PVALB: variants seen among roughly 807,000 people sequenced by gnomAD.
PVALB encodes the protein parvalbumin.
Under a neutral mutation model 10.9 loss-of-function variants are expected in PVALB, and 11 were observed. The ratio of observed to expected loss-of-function variants is 1.01; its 90% confidence interval spans 0.63 to 1.67. The LOEUF is 1.67. Ranked by LOEUF, PVALB falls within the 40% of genes most tolerant of loss-of-function variation. The pLI, the probability that PVALB is intolerant of heterozygous loss-of-function variation, is 0.00. For missense variants in PVALB, 131 were observed against 136.2 expected (o/e 0.96, Z 0.19); for synonymous variants, 57 against 50.7 (o/e 1.12, Z -0.53).
intron 3 of PVALB, among the ~76,000 whole-genome samples, chr22:36,805,942 A>G (rs1205682757): frequency 6.6e-6 from 1 of 152,166 alleles, no homozygotes; most frequent in Non-Finnish European, 1.5e-5. Flanking sequence ...ATCCCATCAG[A>G]GCTAGCATCC....
In PVALB at chr22:36,816,987, G is replaced by T; in HGVS notation, c.19C>A (p.Leu7Met). 1 of 1,609,838 alleles carries T rather than the reference G, an allele frequency of 6.2e-7. No homozygotes were observed. The highest frequency in any genetic ancestry group is 1.3e-5 in the African/African-American group (1 of 74,524). The change falls in exon 1 of 4, where the codon CTG becomes ATG. Residue 7 changes from leucine to methionine, a missense_variant. Leu to Met is a conservative substitution (Grantham distance 15). Coordinates refer to ENST00000417718, the MANE Select transcript of PVALB (RefSeq NM_001315532.2). MSMTDL[L>M]NAEDIKKAVG... The stretch of plus-strand genomic sequence containing the variant: ...GCCTTCTTGATGTCCTCAGCGTTCA[G>T]CAAGTCTGTCATCGACATCCTGCAA...
rs150263975 is a variant in PVALB, at chr22:36,802,169, C to T, written c.305-1251G>A. ...CTGTGGTTATGTAAAATATTAACAT[C>T]GGGGGAGCTGGGTGAAGGGTGTACA... On this transcript the variant is annotated intron_variant, in intron 3 of 3. Coordinates refer to ENST00000417718, the MANE Select transcript of PVALB (RefSeq NM_001315532.2). Among the ~76,000 whole-genome samples the T allele has an allele frequency of 6.9e-4, 105 of 152,198 alleles. 1 individual carries two copies. Among genetic ancestry groups the T allele is most frequent in the Admixed American group, 6.2e-3 (95 of 15,292 alleles).
chr22:36,808,474 C>G (rs1938996835), intron 3 of PVALB, among the ~76,000 whole-genome samples: 1 of 152,146 alleles, frequency 6.6e-6, no homozygotes, highest in Non-Finnish European at 1.5e-5. Context: ...CTGGGCATGT[C>G]ACTTCTCACG....
At chr22:36,813,574 T>C in intron 3 of PVALB, 72 bp downstream of exon 3, 1 of 1,262,212 alleles carries the variant, frequency 7.9e-7, no homozygotes, top group Non-Finnish European at 1.2e-6. Context: ...GTGACAGACA[T>C]AGCTTCAAAC....
intron 3 of PVALB, among the ~76,000 whole-genome samples, chr22:36,802,766 C>A (rs1252396917): frequency 1.3e-5 from 2 of 152,044 alleles, no homozygotes; most frequent in Non-Finnish European, 2.9e-5. Context: ...AAGTGGGTGA[C>A]CTGGATATGG....
At chr22:36,813,524 A>T in intron 3 of PVALB, 122 bp downstream of exon 3, 5 of 771,774 alleles carry the variant, frequency 6.5e-6, no homozygotes, top group Admixed American at 6.4e-5. Flanking sequence ...TTTGTCTTCT[A>T]ATCTGGGGGA....
rs539441020 is a variant in PVALB at position 36,807,807 on chromosome 22, C to T, written c.304+5839G>A. Among the ~76,000 whole-genome samples, 9 of 152,302 alleles carry T rather than the reference C, an allele frequency of 5.9e-5. No individual in the cohort carries two copies. In the South Asian group the frequency reaches 1.4e-3, roughly 25 times the overall value. On this transcript the variant is annotated intron_variant, in intron 3 of 3. Transcript: ENST00000417718. ...CCAAGGCCTTACGCTACCACTCCGC[C>T]TCTCACGCCTCTCACGGTAAATAGG...
chr22:36,807,423 T>A (rs1938968848), intron 3 of PVALB, among the ~76,000 whole-genome samples: 1 of 152,114 alleles, frequency 6.6e-6, no homozygotes, highest in Non-Finnish European at 1.5e-5. Context: ...AGAAATCAAA[T>A]CCCCATAGAG....
intron 3 of PVALB, among the ~76,000 whole-genome samples, chr22:36,808,579 A>G (rs61199720): frequency 0.056 from 8,533 of 152,276 alleles, 812 homozygotes; most frequent in African/African-American, 0.19. Context: ...GTGGTTCGCC[A>G]GATCATTAGC....
chr22:36,804,890 C>T (rs1434113684), intron 3 of PVALB, among the ~76,000 whole-genome samples: 6 of 152,126 alleles, frequency 3.9e-5, no homozygotes, highest in Non-Finnish European at 8.8e-5. Context: ...GCTAAGATCA[C>T]ACCACTGCAC....
upstream of PVALB, chr22:36,817,268 C>T (rs1939159334): frequency 3.2e-6 from 1 of 313,738 alleles, no homozygotes; most frequent in African/African-American, 2.2e-5. Context: ...CCGCGGGATC[C>T]CAGGGGCTGC....
At chr22:36,813,371 A>C in intron 3 of PVALB, 1 of 414,486 alleles carries the variant, frequency 2.4e-6, no homozygotes, top group Non-Finnish European at 4.4e-6. Flanking sequence ...GAGTTCAGGA[A>C]AAAAAAATCC....
chr22:36,813,335 CCA>C (rs1268143831), intron 3 of PVALB: 1 of 327,798 alleles, frequency 3.1e-6, no homozygotes, highest in Non-Finnish European at 5.7e-6. Context: ...AGAGGTTGGG[CCA>C]GTATCCATGC....
At chr22:36,806,530 C>T (rs1285890757) in intron 3 of PVALB, among the ~76,000 whole-genome samples, 5 of 152,204 alleles carry the variant, frequency 3.3e-5, no homozygotes, top group African/African-American at 1.2e-4. Flanking sequence ...GGCTGGAAGG[C>T]TCTTTCCCTC....
chr22:36,806,345 G>A (rs796647120), intron 3 of PVALB, among the ~76,000 whole-genome samples: 16 of 152,298 alleles, frequency 1.1e-4, no homozygotes, highest in African/African-American at 3.6e-4. Flanking sequence ...GCAGAGGGAG[G>A]ATCAGAGGAC....
At chr22:36,811,489 G>A (rs199738879) in intron 3 of PVALB, 36 of 470,758 alleles carry the variant, frequency 7.6e-5, no homozygotes, top group Admixed American at 2.6e-4. Flanking sequence ...TCCATTGCCG[G>A]GCACAGAGTT....
At chr22:36,814,136 G>A (rs1019768876) in intron 2 of PVALB, among the ~76,000 whole-genome samples, 7 of 152,186 alleles carry the variant, frequency 4.6e-5, no homozygotes, top group African/African-American at 1.7e-4. Flanking sequence ...CTCCGAGAGA[G>A]ACCACACAGT....
chr22:36,818,193 T>C (rs1185626216), upstream of PVALB, among the ~76,000 whole-genome samples: 1 of 152,100 alleles, frequency 6.6e-6, no homozygotes, highest in Non-Finnish European at 1.5e-5. Context: ...GGCTTCTGTC[T>C]CCTTCTGATG....
At chr22:36,814,863 C>T (rs1939112051) in intron 2 of PVALB, among the ~76,000 whole-genome samples, 2 of 152,168 alleles carry the variant, frequency 1.3e-5, no homozygotes, top group Admixed American at 1.3e-4. Flanking sequence ...TATTAAGTGG[C>T]TATCATTTAA....
Sources: allele counts gnomAD v4.1 joint callset (sites outside exome capture counted in the v4.1 genomes callset), GRCh38; gene constraint gnomAD v4.1.1; transcripts MANE v1.5; gene names NCBI Gene and HGNC (gene_info 2026-07-23, HGNC 2026-07-21).